Variants in SPTBN2 observed in about 807,000 individuals in gnomAD.
SPTBN2 encodes the protein spectrin beta chain, non-erythrocytic 2.
A neutral mutation model predicts 284.2 loss-of-function variants in SPTBN2; 107 were observed. That is an observed-to-expected ratio of 0.38 (90% CI 0.32 to 0.44). The LOEUF is 0.44. Among genes scored for constraint, SPTBN2 ranks in the 20% least tolerant of loss-of-function variants. SPTBN2 has a pLI of 1.00. For synonymous variants in SPTBN2, 1,289 were observed against 1,354.8 expected (o/e 0.95, Z 1.07); for missense variants, 2,569 against 3,287.1 (o/e 0.78, Z 5.34).
Position 66,728,823 on chromosome 11 carries a change from TTCCCGAGA to T in SPTBN2, c.-204_-197del. Reference sequence around the variant, plus strand: ...CCTCTAATGACACTGCCGACGAGGTTTCCCGAGATCCAGCCTCCGTTCCCCTTTCCTCT... The same window carrying T: ...CCTCTAATGACACTGCCGACGAGGTTTCCAGCCTCCGTTCCCCTTTCCTCT... On this transcript the variant is annotated 5_prime_UTR_variant, in exon 1 of 38. It introduces an in-frame stop codon into an upstream open reading frame of the 5' UTR. Transcript: ENST00000533211. 1 of 151,898 alleles carries T rather than the reference TTCCCGAGA, an allele frequency of 6.6e-6. No individual in the cohort carries two copies. The highest frequency in any genetic ancestry group is 2.1e-4 in the South Asian group (1 of 4,774). The allele number at this position is 151,898 out of a possible 1,614,324, so 9.4% of individuals were successfully genotyped here.
At position 66,718,768 on chromosome 11, in the gene SPTBN2, A is replaced by G. The variant is rs531423627; in HGVS notation, c.157+2316T>C. 6.6e-5 allele frequency among the ~76,000 whole-genome samples: 10 copies of G among 152,344 alleles called. No individual in the cohort carries two copies. In the East Asian group the frequency reaches 1.9e-3, roughly 29 times the overall value. On this transcript the variant is annotated intron_variant, in intron 3 of 37. Coordinates refer to ENST00000533211, the MANE Select transcript of SPTBN2 (RefSeq NM_006946.4). This position sits in a 1 kb window ranked among gnomAD's most constrained non-coding sequence, Gnocchi z 4.8. ...GTGGGAATTTCAAGGAGTGGCAAAA[A>G]GAGTTACGGGGTGTCCCGAACTCCT... is the stretch of plus-strand genomic sequence containing the variant.
chr11:66,713,420 G>C (rs577696527), intron 8 of SPTBN2, among the ~76,000 whole-genome samples: 1 of 152,050 alleles, frequency 6.6e-6, no homozygotes, highest in Non-Finnish European at 1.5e-5. Flanking sequence ...CAAAGTGCTG[G>C]GTGTGAGCAA....
At chr11:66,733,146 C>A (rs917729394), upstream of SPTBN2, among the ~76,000 whole-genome samples, 2 of 152,048 alleles carry the variant, frequency 1.3e-5, no homozygotes, top group Non-Finnish European at 2.9e-5. Flanking sequence ...TGATTTTCAC[C>A]TTTAGAGCCC....
rs1310051314 is a variant in SPTBN2, at chr11:66,698,797, A to G, written c.3868-12T>C. On this transcript the variant is annotated splice_polypyrimidine_tract_variant and intron_variant, in intron 19 of 37. Transcript: ENST00000533211. Reference sequence around the variant, plus strand: ...ATCCAGAGCTTCAGCTGGACCAAACATAAAACAGGGACATTTCCAAGGGAG... The same window carrying G: ...ATCCAGAGCTTCAGCTGGACCAAACGTAAAACAGGGACATTTCCAAGGGAG... The G allele has an allele frequency of 6.2e-7, 1 of 1,613,088 alleles. No homozygotes were observed. Among genetic ancestry groups the G allele is most frequent in the Non-Finnish European group, 8.5e-7 (1 of 1,180,010 alleles).
At position 66,691,264 on chromosome 11, in the gene SPTBN2, T is replaced by TCCTC. The variant is rs1327653436; in HGVS notation, c.5565+16_5565+19dup. 2.0e-6 allele frequency: 3 copies of TCCTC among 1,513,410 alleles called. No homozygotes were observed. In the South Asian group the frequency reaches 4.0e-5, roughly 20 times the overall value. 93.7% of individuals were successfully genotyped at this position (1,513,410 alleles called of 1,614,324 possible). A position where few individuals can be genotyped will look rare whatever the true frequency, so the allele number is the denominator to read the frequency against. ...TGGCCTCCTCTAAGCCTCCCCCACCTCCTCATGCTTGGGTCAGACCTGGGG... is the reference window on the plus strand; with the variant it reads ...TGGCCTCCTCTAAGCCTCCCCCACCTCCTCCCTCATGCTTGGGTCAGACCTGGGG... On this transcript the variant is annotated intron_variant, in intron 27 of 37. Coordinates refer to ENST00000533211, the MANE Select transcript of SPTBN2 (RefSeq NM_006946.4). The surrounding 1 kb of genome is among the most constrained non-coding windows in gnomAD (Gnocchi z 8.0).
chr11:66,684,276 C>T lies in SPTBN2; in HGVS notation c.*1595G>A, dbSNP rs1438648387. 1.3e-5 allele frequency among the ~76,000 whole-genome samples: 2 copies of T among 152,188 alleles called. No homozygotes were observed. The highest frequency in any genetic ancestry group is 2.9e-5 in the Non-Finnish European group (2 of 68,036). On this transcript the variant is annotated 3_prime_UTR_variant, in exon 38 of 38. Coordinates refer to ENST00000533211, the MANE Select transcript of SPTBN2 (RefSeq NM_006946.4). ...GGAGACAAACACTGTGCCCTGAAAG[C>T]TCCGATTGCCAAACCAGAGACAAAG... is the stretch of plus-strand genomic sequence containing the variant.
rs1310674852 is a variant in SPTBN2, at chr11:66,701,456, C to A, written c.2816+128G>T. 4.5e-6 allele frequency: 7 copies of A among 1,559,586 alleles called. No individual in the cohort carries two copies. The African/African-American group carries it at 9.5e-5, about 21-fold the overall frequency. ...TCTTTCATCCTTTTTCCTTCCCCAA[C>A]ATATTCCAGACTGGTTTGCTTCCTC... On this transcript the variant is annotated intron_variant, in intron 16 of 37. Transcript: ENST00000533211.
Position 66,715,155 on chromosome 11 carries a change from G to C in SPTBN2, c.483+67C>G. 6.3e-7 allele frequency: 1 copy of C among 1,598,514 alleles called. No homozygotes were observed. Among genetic ancestry groups the C allele is most frequent in the South Asian group, 1.1e-5 (1 of 90,614 alleles). On this transcript the variant is annotated intron_variant, in intron 5 of 37. Coordinates refer to ENST00000533211, the MANE Select transcript of SPTBN2 (RefSeq NM_006946.4). This position sits in a 1 kb window ranked among gnomAD's most constrained non-coding sequence, Gnocchi z 5.3. Reference sequence around the variant, plus strand: ...TTTGTGTTTGTTGTGTCATGGGCCAGCAGGAACGGCTTGCGGTGCAGAGCC... The same window carrying C: ...TTTGTGTTTGTTGTGTCATGGGCCACCAGGAACGGCTTGCGGTGCAGAGCC...
intron 1 of SPTBN2, among the ~76,000 whole-genome samples, chr11:66,722,550 T>G (rs1590985094): frequency 1.7e-5 from 2 of 117,182 alleles, no homozygotes; most frequent in East Asian, 2.6e-4. Context: ...CACTCCAGCC[T>G]GGGCGGCAGA....
Position 66,696,366 on chromosome 11 carries a change from T to C in SPTBN2, c.4189A>G (p.Ser1397Gly). Residue 1397 changes from serine to glycine, a missense_variant, in exon 21 of 38, where the codon AGC becomes GGC. Transcript: ENST00000533211. ...TGGGCCTGCAGGCTCTCCAGCCAGC[T>C]CTCCAGGGCACAGCAGCTCTGGGCA... ...LFAQSCCALESWLESLQAQLH... is the reference protein window; with the variant it reads ...LFAQSCCALEGWLESLQAQLH... The C allele has an allele frequency of 1.2e-6, 2 of 1,613,438 alleles. No homozygotes were observed. Among genetic ancestry groups the C allele is most frequent in the Non-Finnish European group, 1.7e-6 (2 of 1,180,032 alleles).
chr11:66,716,409 G>C (rs111654945), intron 3 of SPTBN2, among the ~76,000 whole-genome samples: 4 of 152,144 alleles, frequency 2.6e-5, no homozygotes, highest in East Asian at 3.9e-4. Flanking sequence ...GAACCTGGGA[G>C]GGGGAGCTTG....
chr11:66,728,773 C>G lies in SPTBN2; in HGVS notation c.-146G>C, dbSNP rs1182535677. 6.6e-6 allele frequency: 1 copy of G among 152,264 alleles called. No individual in the cohort carries two copies. The highest frequency in any genetic ancestry group is 2.4e-5 in the African/African-American group (1 of 41,446). 9.4% of individuals were successfully genotyped at this position (152,264 alleles called of 1,614,324 possible). A position where few individuals can be genotyped will look rare whatever the true frequency, so the allele number is the denominator to read the frequency against. ...CCTATTCTGCTTTTCCTCCAAAATC[C>G]GTATCCCCGAGACACGCGATCCTTC... On this transcript the variant is annotated 5_prime_UTR_variant, in exon 1 of 38. Transcript: ENST00000533211.
At chr11:66,744,648 G>C (rs536431219) in exon 1 of SPTBN2, 3 of 388,886 alleles carry the variant, frequency 7.7e-6, no homozygotes, top group Non-Finnish European at 1.1e-5. Flanking sequence ...TCCCGGCGGC[G>C]GTTCGCGGTC....
chr11:66,696,238 T>C (rs1187866173), intron 21 of SPTBN2, 39 bp downstream of exon 21: 1 of 1,604,588 alleles, frequency 6.2e-7, no homozygotes, highest in Admixed American at 1.7e-5. Flanking sequence ...GCCCCTTTCT[T>C]CTGCTGTTCA....
Position 66,693,317 on chromosome 11 carries a change from G to A in SPTBN2, c.4723C>T (p.His1575Tyr). The A allele has an allele frequency of 6.2e-7, 1 of 1,612,252 alleles. No individual in the cohort carries two copies. The highest frequency in any genetic ancestry group is 8.5e-7 in the Non-Finnish European group (1 of 1,180,028). The change falls in exon 24 of 38, where the codon CAC becomes TAC. Residue 1575 changes from histidine to tyrosine, a missense_variant. By Grantham distance (83) the His-to-Tyr change is moderately conservative. Around this residue, in one of 6 missense-constraint regions of SPTBN2, gnomAD observed 1,130 missense variants for 1,317.3 expected, o/e 0.86. Transcript: ENST00000533211. This position sits in a 1 kb window ranked among gnomAD's most constrained non-coding sequence, Gnocchi z 5.7. ...ELQEMWKRLG[H>Y]ELELRGKRLE... ...CGCTTCCCTCGAAGTTCCAGCTCGT[G>A]GCCCAGGCGTTTCCACATTTCCTGC...
intron 8 of SPTBN2, 32 bp from the exon 9 acceptor site, chr11:66,711,061 C>T (rs747198985): frequency 2.6e-5 from 41 of 1,583,722 alleles, no homozygotes; most frequent in Non-Finnish European, 3.5e-5. Flanking sequence ...GTCAGGCCTC[C>T]CAGAAGTTCA....
Position 66,685,839 on chromosome 11 carries a change from G to A in SPTBN2, c.*32C>T. ...TGTCCCTGGCAGTTTCCTGAACGGA[G>A]GGAGGGAGTTGGCCTGGGACCTTGC... On this transcript the variant is annotated 3_prime_UTR_variant, in exon 38 of 38. Transcript: ENST00000533211. The surrounding 1 kb of genome is among the most constrained non-coding windows in gnomAD (Gnocchi z 4.4). 5.6e-6 allele frequency: 9 copies of A among 1,599,234 alleles called. No homozygotes were observed. The highest frequency in any genetic ancestry group is 7.7e-6 in the Non-Finnish European group (9 of 1,167,528).
rs1048500662 is a variant in SPTBN2, at chr11:66,715,732, G to A, written c.309+98C>T. 46 of 1,523,942 alleles carry A rather than the reference G, an allele frequency of 3.0e-5. No individual in the cohort carries two copies. Among genetic ancestry groups the A allele is most frequent in the African/African-American group, 6.9e-5 (5 of 72,724 alleles). 94.4% of individuals were successfully genotyped at this position (1,523,942 alleles called of 1,614,324 possible). Reference sequence around the variant, plus strand: ...TGAGCAGAGGGAGCCACTGCTTCCCGCCCTGTGCCGTCACTCTCTCTGAGG... The same window carrying A: ...TGAGCAGAGGGAGCCACTGCTTCCCACCCTGTGCCGTCACTCTCTCTGAGG... On this transcript the variant is annotated intron_variant, in intron 4 of 37. Coordinates refer to ENST00000533211, the MANE Select transcript of SPTBN2 (RefSeq NM_006946.4). The surrounding 1 kb of genome is among the most constrained non-coding windows in gnomAD (Gnocchi z 5.3).
chr11:66,686,957 C>T (rs1475451417), intron 36 of SPTBN2, 37 bp downstream of exon 36: 5 of 1,612,540 alleles, frequency 3.1e-6, no homozygotes, highest in Non-Finnish European at 4.2e-6. Flanking sequence ...ACTCCCAACT[C>T]TCCTCCCATC....
Sources: allele counts gnomAD v4.1 joint callset (sites outside exome capture counted in the v4.1 genomes callset), GRCh38; gene constraint gnomAD v4.1.1; regional missense constraint gnomAD v4.1.1; non-coding constraint Gnocchi (gnomAD v3.1); transcripts MANE v1.5; gene names NCBI Gene and HGNC (gene_info 2026-07-23, HGNC 2026-07-21).